Variants in SH3PXD2B observed in about 807,000 individuals in gnomAD.
The protein encoded by SH3PXD2B is SH3 and PX domain-containing protein 2B.
Under a neutral mutation model 73.1 loss-of-function variants are expected in SH3PXD2B, and 37 were observed. The observed-to-expected ratio is 0.51, with a 90% CI of 0.39 to 0.67. The LOEUF (loss-of-function observed/expected upper bound fraction) is 0.67. Among genes scored for constraint, SH3PXD2B ranks in the 30% least tolerant of loss-of-function variants. SH3PXD2B has a pLI of 0.00. For missense variants in SH3PXD2B, 1,053 were observed against 1,197.8 expected (o/e 0.88, Z 1.78); for synonymous variants, 457 against 480.5 (o/e 0.95, Z 0.64).
chr5:172,414,456 TA>T (rs1007937801), intron 2 of SH3PXD2B, among the ~76,000 whole-genome samples: 2,721 of 77,560 alleles, frequency 0.035, 36 homozygotes, highest in Non-Finnish European at 0.044. Flanking sequence ...GACTCCATCT[TA>T]AAAAAAAAAA....
At chr5:172,344,411 A>T (rs1367249307) in intron 12 of SH3PXD2B, among the ~76,000 whole-genome samples, 1 of 151,996 alleles carries the variant, frequency 6.6e-6, no homozygotes, top group Non-Finnish European at 1.5e-5. Flanking sequence ...AACATGGCAA[A>T]ACCCTGTTTC....
chr5:172,350,240 T>C (rs1757128147), intron 10 of SH3PXD2B, 123 bp downstream of exon 10: 2 of 931,126 alleles, frequency 2.1e-6, no homozygotes, highest in Non-Finnish European at 3.2e-6. Flanking sequence ...CTCTGTTTTC[T>C]TATCTGGAGG....
At chr5:172,341,314 G>A (rs939243353) in intron 12 of SH3PXD2B, among the ~76,000 whole-genome samples, 1 of 152,196 alleles carries the variant, frequency 6.6e-6, no homozygotes, top group African/African-American at 2.4e-5. Context: ...CAAGTCTCAT[G>A]TTGAAATGTG....
chr5:172,348,711 T>TATCTATCTATCCTATCTATCTATCTATC (rs1561896964), intron 10 of SH3PXD2B, among the ~76,000 whole-genome samples: 3 of 37,006 alleles, frequency 8.1e-5, no homozygotes, highest in East Asian at 3.4e-3. Context: ...ATCTATCTAT[T>TATCTATCTATCCTATCTATCTATCTATC]TATTTATTTT....
chr5:172,402,363 T>A (rs1297839143), intron 3 of SH3PXD2B, among the ~76,000 whole-genome samples: 1 of 152,198 alleles, frequency 6.6e-6, no homozygotes, highest in Non-Finnish European at 1.5e-5. Flanking sequence ...GCAATTTAAA[T>A]TTTGCCCCGG....
At chr5:172,450,730 C>G (rs1054894450) in intron 1 of SH3PXD2B, among the ~76,000 whole-genome samples, 3 of 151,952 alleles carry the variant, frequency 2.0e-5, no homozygotes, top group Non-Finnish European at 4.4e-5. Flanking sequence ...CAAATAAAAC[C>G]CACAAATCCT....
At position 172,337,736 on chromosome 5, in the gene SH3PXD2B, C is replaced by T. The variant is rs1756737799; in HGVS notation, c.*633G>A. 1.1e-5 allele frequency: 11 copies of T among 993,100 alleles called. No individual in the cohort carries two copies. Among genetic ancestry groups the T allele is most frequent in the Non-Finnish European group, 1.3e-5 (11 of 834,514 alleles). The allele number at this position is 993,100 out of a possible 1,614,324, so 61.5% of individuals were successfully genotyped here. On this transcript the variant is annotated 3_prime_UTR_variant, in exon 13 of 13. Transcript: ENST00000311601. ...AGATAGAAGGTGGGAGGCAGGGCGG[C>T]TGAGCGGATCTCCAGGCCCACTCCT...
At chr5:172,393,834 C>T (rs141725325) in intron 4 of SH3PXD2B, among the ~76,000 whole-genome samples, 163 of 152,182 alleles carry the variant, frequency 1.1e-3, no homozygotes, top group Middle Eastern at 6.8e-3. Flanking sequence ...TTGTTTAGGA[C>T]GTTCAAGGGA....
At chr5:172,401,774 C>T (rs1274011785) in intron 3 of SH3PXD2B, among the ~76,000 whole-genome samples, 1 of 152,144 alleles carries the variant, frequency 6.6e-6, no homozygotes, top group East Asian at 1.9e-4. Flanking sequence ...AACAAATGTC[C>T]ATGAAGATTT....
intron 6 of SH3PXD2B, among the ~76,000 whole-genome samples, chr5:172,368,590 A>ATATAT (rs1561908320): frequency 8.5e-5 from 1 of 11,742 alleles, no homozygotes; most frequent in African/African-American, 6.7e-4. Context: ...ATATATATAA[A>ATATAT]ATATGTTATA....
chr5:172,329,537 A>ATTTTTTTTTTTTTTTTTTTT (rs1189125823), downstream of SH3PXD2B, among the ~76,000 whole-genome samples: 4 of 62,956 alleles, frequency 6.4e-5, no homozygotes, highest in African/African-American at 1.0e-4. Flanking sequence ...GATCTTTGTT[A>ATTTTTTTTTTTTTTTTTTTT]TTCTTTTTTT....
At position 172,334,852 on chromosome 5, in the gene SH3PXD2B, C is replaced by G. The variant is rs1227152649; in HGVS notation, c.*3517G>C. 4 of 985,320 alleles carry G rather than the reference C, an allele frequency of 4.1e-6. No individual in the cohort carries two copies. Among genetic ancestry groups the G allele is most frequent in the Non-Finnish European group, 4.8e-6 (4 of 829,962 alleles). The allele number at this position is 985,320 out of a possible 1,614,324, so 61.0% of individuals were successfully genotyped here. On this transcript the variant is annotated 3_prime_UTR_variant, in exon 13 of 13. Transcript: ENST00000311601. ...GTGGCATATGTTCCCCCATCTTCCA[C>G]CTGGTAATGAAATCCTCAGTGGGCG...
chr5:172,326,132 A>T (rs1393766040), intron 12 of SH3PXD2B, among the ~76,000 whole-genome samples: 1 of 152,230 alleles, frequency 6.6e-6, no homozygotes, highest in African/African-American at 2.4e-5. Flanking sequence ...CACATTGGCA[A>T]CATCTGAATT....
intron 2 of SH3PXD2B, among the ~76,000 whole-genome samples, chr5:172,406,611 G>GT (rs888580554): frequency 6.6e-6 from 1 of 152,104 alleles, no homozygotes; most frequent in African/African-American, 2.4e-5. Flanking sequence ...CTTTCCTGGG[G>GT]TTCTCCATCC....
chr5:172,398,921 C>G (rs1343345253), intron 3 of SH3PXD2B, among the ~76,000 whole-genome samples: 1 of 152,194 alleles, frequency 6.6e-6, no homozygotes, highest in Non-Finnish European at 1.5e-5. Flanking sequence ...CTTCATTACA[C>G]TCCCTTACTG....
chr5:172,349,929 A>G (rs938276514), intron 10 of SH3PXD2B, among the ~76,000 whole-genome samples: 5 of 151,956 alleles, frequency 3.3e-5, no homozygotes, highest in Admixed American at 1.3e-4. Flanking sequence ...ATCTTGGCTC[A>G]CTGCAACCTC....
At chr5:172,436,210 G>C (rs1334394719) in intron 1 of SH3PXD2B, among the ~76,000 whole-genome samples, 1 of 152,230 alleles carries the variant, frequency 6.6e-6, no homozygotes, top group African/African-American at 2.4e-5. Context: ...AGTGACTCAG[G>C]CCAGCAGTGA....
At chr5:172,349,857 T>G (rs796840901) in intron 10 of SH3PXD2B, among the ~76,000 whole-genome samples, 2 of 152,008 alleles carry the variant, frequency 1.3e-5, no homozygotes, top group Non-Finnish European at 2.9e-5. Context: ...CCCCTTTTTT[T>G]TTCTTTTTTT....
intron 1 of SH3PXD2B, among the ~76,000 whole-genome samples, chr5:172,451,481 A>G (rs1175519664): frequency 6.6e-6 from 1 of 152,222 alleles, no homozygotes; most frequent in African/African-American, 2.4e-5. Context: ...GGAAGCTGCT[A>G]AACATCCTGC....
Sources: gnomAD v4.1 joint callset for allele counts (sites outside exome capture counted in the v4.1 genomes callset) on GRCh38, gnomAD v4.1.1 for gene constraint, MANE v1.5 for transcripts, NCBI Gene and HGNC (gene_info 2026-07-23, HGNC 2026-07-21) for gene names.